The following GARNL3 variants were observed in gnomAD, a reference collection of about 807,000 sequenced individuals.
GARNL3 encodes the protein GTPase-activating Rap/Ran-GAP domain-like protein 3.
Under a neutral mutation model 125.0 loss-of-function variants are expected in GARNL3, and 63 were observed. The observed-to-expected ratio is 0.50, with a 90% confidence interval of 0.41 to 0.62. The LOEUF (loss-of-function observed/expected upper bound fraction) is 0.62, where lower values mean the gene tolerates loss of function less well. GARNL3 is among the 20% of genes least tolerant of loss of function. The probability of loss-of-function intolerance (pLI) is 0.00; values close to 1 mark genes in which losing one functional copy is unlikely to be tolerated. For synonymous variants in GARNL3, 439 were observed against 457.5 expected (o/e 0.96, Z 0.52); for missense variants, 994 against 1,244.0 (o/e 0.80, Z 3.02).
chr9:127,321,660 T>C (rs769526352), intron 6 of GARNL3, among the ~76,000 whole-genome samples: 4 of 152,222 alleles, frequency 2.6e-5, no homozygotes, highest in African/African-American at 9.6e-5. Flanking sequence ...CTTGTAGTTA[T>C]AACCAATTTA....
rs532528905 is a variant in GARNL3, at chr9:127,383,228, A to G, written c.2162-210A>G. Among the ~76,000 whole-genome samples, 3 of 152,334 alleles carry G rather than the reference A, an allele frequency of 2.0e-5. No individual in the cohort carries two copies. The South Asian group carries it at 6.2e-4, about 32-fold the overall frequency. ...GGCACATAGTAAATTCTCCCAAAAC[A>G]GCAGCTCTTATTATTTGTAGTAGTA... On this transcript the variant is annotated intron_variant, in intron 22 of 27. Coordinates refer to ENST00000373387, the MANE Select transcript of GARNL3 (RefSeq NM_032293.5).
chr9:127,307,463 T>C (rs1161668340), intron 2 of GARNL3, among the ~76,000 whole-genome samples: 5 of 152,228 alleles, frequency 3.3e-5, no homozygotes, highest in African/African-American at 1.2e-4. Context: ...AGGAGTTTAC[T>C]CTCTAGGCGA....
intron 7 of GARNL3, among the ~76,000 whole-genome samples, chr9:127,329,804 G>A (rs1198224319): frequency 1.3e-5 from 2 of 152,160 alleles, no homozygotes; most frequent in Non-Finnish European, 2.9e-5. Flanking sequence ...GCAAGTCCCT[G>A]TCTTCCCTGA....
chr9:127,239,909 T>C (rs2063174935), intron 1 of GARNL3, among the ~76,000 whole-genome samples: 1 of 152,166 alleles, frequency 6.6e-6, no homozygotes, highest in Non-Finnish European at 1.5e-5. Flanking sequence ...GGCTAGCCTT[T>C]CAAATTTTTA....
intron 2 of GARNL3, among the ~76,000 whole-genome samples, chr9:127,306,915 T>C (rs1431899530): frequency 6.6e-6 from 1 of 152,058 alleles, no homozygotes; most frequent in Non-Finnish European, 1.5e-5. Context: ...ATTAATTAAT[T>C]ATAATACATT....
At chr9:127,366,834 C>T (rs1008546554) in intron 22 of GARNL3, 3 of 152,246 alleles carry the variant, frequency 2.0e-5, no homozygotes, top group Non-Finnish European at 4.4e-5. Flanking sequence ...CTGTGGTTCC[C>T]GCAGCCTCTG....
chr9:127,247,296 A>G (rs1588680750), intron 2 of GARNL3, among the ~76,000 whole-genome samples: 2 of 152,320 alleles, frequency 1.3e-5, no homozygotes, highest in African/African-American at 2.4e-5. Context: ...GTTGGTTGTA[A>G]GTGACAGAAA....
In GARNL3 at chr9:127,264,963, A is replaced by C. The variant is rs199759979; in HGVS notation, c.86A>C (p.Glu29Ala). Reference sequence around the variant, plus strand: ...CATTTTTGTTCCAGCTCTGTCTCGGAAGACCTAGGCTGTAGACGTGGGGAT... The same window carrying C: ...CATTTTTGTTCCAGCTCTGTCTCGGCAGACCTAGGCTGTAGACGTGGGGAT... The part of the protein sequence containing the change: ...MKHFCSSSVS[E>A]DLGCRRGDFS... The change falls in exon 1 of 28, where the codon GAA (glutamate) becomes GCA (alanine). Residue 29 changes from glutamate (E) to alanine (A), a missense_variant. Coordinates refer to ENST00000373387, the MANE Select transcript of GARNL3 (RefSeq NM_032293.5). 137 of 1,613,266 alleles carry C rather than the reference A, an allele frequency of 8.5e-5. No homozygotes were observed. The highest frequency in any genetic ancestry group is 3.3e-4 in the Middle Eastern group (2 of 6,080).
chr9:127,325,186 C>A, intron 7 of GARNL3, 91 bp downstream of exon 7: 2 of 1,263,586 alleles, frequency 1.6e-6, no homozygotes, highest in Non-Finnish European at 2.3e-6. Context: ...CCTTTGCTTT[C>A]AGCCAAATCT....
chr9:127,353,723 G>A, intron 17 of GARNL3, 123 bp from the exon 18 acceptor site: 1 of 756,482 alleles, frequency 1.3e-6, no homozygotes, highest in Middle Eastern at 2.5e-4. Context: ...GAAAGCCCTA[G>A]AAGCTGACTT....
chr9:127,273,446 TAAC>T (rs1348600910), intron 1 of GARNL3, among the ~76,000 whole-genome samples: 1 of 152,244 alleles, frequency 6.6e-6, no homozygotes, highest in Non-Finnish European at 1.5e-5. Flanking sequence ...GTCCAAATCT[TAAC>T]AAAAGCTTGC....
At chr9:127,292,571 C>T (rs1219610110) in intron 2 of GARNL3, among the ~76,000 whole-genome samples, 2 of 152,240 alleles carry the variant, frequency 1.3e-5, no homozygotes, top group Non-Finnish European at 2.9e-5. Context: ...TGCAGAACTT[C>T]AGCCCAGCCT....
chr9:127,303,256 A>G (rs1030733729), intron 2 of GARNL3, among the ~76,000 whole-genome samples: 2 of 152,242 alleles, frequency 1.3e-5, no homozygotes, highest in African/African-American at 4.8e-5. Context: ...AAAACAAATT[A>G]TGTATATGTA....
chr9:127,390,799 G>A (rs769942012), intron 27 of GARNL3, 32 bp downstream of exon 27: 5 of 1,604,844 alleles, frequency 3.1e-6, no homozygotes, highest in Non-Finnish European at 4.3e-6. Context: ...TGCTTGGGGT[G>A]GTGGACCTAT....
chr9:127,329,728 T>C (rs1279330474), intron 7 of GARNL3, among the ~76,000 whole-genome samples: 3 of 152,124 alleles, frequency 2.0e-5, no homozygotes, highest in Non-Finnish European at 4.4e-5. Context: ...GAAAGAATGC[T>C]GGATCAAAAG....
chr9:127,250,126 A>G (rs1368498399), intron 2 of GARNL3, among the ~76,000 whole-genome samples: 1 of 152,232 alleles, frequency 6.6e-6, no homozygotes, highest in Non-Finnish European at 1.5e-5. Flanking sequence ...GTGTAAAAAA[A>G]GGGGAAAGGG....
chr9:127,249,712 A>G (rs1392257176), intron 2 of GARNL3, among the ~76,000 whole-genome samples: 2 of 151,966 alleles, frequency 1.3e-5, no homozygotes, highest in Non-Finnish European at 2.9e-5. Context: ...TCAATATAAG[A>G]AAGAATACAA....
intron 20 of GARNL3, among the ~76,000 whole-genome samples, 195 bp downstream of exon 20, chr9:127,355,667 G>A (rs1474493444): frequency 2.6e-5 from 4 of 152,146 alleles, no homozygotes; most frequent in East Asian, 1.9e-4. Flanking sequence ...GAACATCTAC[G>A]GGTGCTGTTC....
At chr9:127,285,554 G>A (rs143354695) in intron 1 of GARNL3, among the ~76,000 whole-genome samples, 417 of 152,072 alleles carry the variant, frequency 2.7e-3, no homozygotes, top group African/African-American at 9.3e-3. Context: ...ATTTGATTCC[G>A]CTATAAATCC....
Sources: gnomAD v4.1 joint callset for allele counts (sites outside exome capture counted in the v4.1 genomes callset) on GRCh38, gnomAD v4.1.1 for gene constraint, MANE v1.5 for transcripts, NCBI Gene and HGNC (gene_info 2026-07-23, HGNC 2026-07-21) for gene names.